PRKAR1B: variants seen among roughly 807,000 people sequenced by gnomAD.
The protein encoded by PRKAR1B is cAMP-dependent protein kinase type I-beta regulatory subunit.
PRKAR1B carries 22 observed loss-of-function variants against 46.5 expected under a neutral mutation model. The observed-to-expected ratio is 0.47, with a 90% CI of 0.34 to 0.68. The LOEUF is 0.68. PRKAR1B is among the 30% of genes least tolerant of loss of function. The pLI is 0.01. For missense variants in PRKAR1B, 445 were observed against 535.6 expected (o/e 0.83, Z 1.67); for synonymous variants, 259 against 217.7 (o/e 1.19, Z -1.67).
At chr7:655,807 G>C (rs1420882450) in intron 4 of PRKAR1B, among the ~76,000 whole-genome samples, 1 of 152,120 alleles carries the variant, frequency 6.6e-6, no homozygotes, top group Non-Finnish European at 1.5e-5. Flanking sequence ...TTCCCTGATT[G>C]ATGAGAGCAT....
intron 2 of PRKAR1B, among the ~76,000 whole-genome samples, chr7:694,509 C>T (rs76763129): frequency 0.033 from 5,078 of 152,156 alleles, 321 homozygotes; most frequent in African/African-American, 0.12. Flanking sequence ...GCCTCCTTCC[C>T]CTAATGCCCA....
chr7:596,023 T>C (rs897892989), intron 7 of PRKAR1B, 123 bp downstream of exon 7: 54 of 1,260,260 alleles, frequency 4.3e-5, no homozygotes, highest in South Asian at 4.0e-4. Context: ...AGGCCAGATC[T>C]GTCAGGGAGG....
chr7:592,366 G>A (rs779755549), intron 7 of PRKAR1B, among the ~76,000 whole-genome samples: 5 of 152,234 alleles, frequency 3.3e-5, no homozygotes, highest in Admixed American at 2.0e-4. Context: ...TGGAGAAGCC[G>A]CGTCCCTTCC....
At chr7:592,470 G>A (rs1011015226) in intron 7 of PRKAR1B, among the ~76,000 whole-genome samples, 2 of 151,320 alleles carry the variant, frequency 1.3e-5, no homozygotes, top group African/African-American at 2.4e-5. Context: ...GTCCCTTCCC[G>A]GCTCCACCGG....
intron 9 of PRKAR1B, among the ~76,000 whole-genome samples, chr7:556,901 C>T (rs1029980430): frequency 2.6e-5 from 4 of 152,216 alleles, no homozygotes; most frequent in South Asian, 2.1e-4. Context: ...GTGCCTCCCC[C>T]GGCTCCCAGG....
intron 9 of PRKAR1B, among the ~76,000 whole-genome samples, chr7:558,258 C>T (rs1583198417): frequency 7.4e-6 from 1 of 135,998 alleles, no homozygotes; most frequent in East Asian, 2.3e-4. Flanking sequence ...CCCAGGAGGT[C>T]GAGGCTGCAG....
At chr7:637,124 A>G (rs973643353) in intron 4 of PRKAR1B, among the ~76,000 whole-genome samples, 3 of 152,156 alleles carry the variant, frequency 2.0e-5, no homozygotes, top group African/African-American at 7.2e-5. Flanking sequence ...CATCTCTACA[A>G]AAACATACAA....
At chr7:575,914 C>T (rs1779791901) in intron 9 of PRKAR1B, among the ~76,000 whole-genome samples, 2 of 152,200 alleles carry the variant, frequency 1.3e-5, no homozygotes, top group African/African-American at 4.8e-5. Flanking sequence ...TGTCGGTTTG[C>T]AATCCTCTCC....
At chr7:649,417 T>C (rs1197555170) in intron 4 of PRKAR1B, among the ~76,000 whole-genome samples, 7 of 152,366 alleles carry the variant, frequency 4.6e-5, no homozygotes, top group Admixed American at 4.6e-4. Context: ...TCTTCAGGAT[T>C]TCTTTTTAGT....
In PRKAR1B at chr7:666,886, A is replaced by G. The variant is rs1785959112; in HGVS notation, c.440+10343T>C. 6.6e-6 allele frequency among the ~76,000 whole-genome samples: 1 copy of G among 152,110 alleles called. No individual in the cohort carries two copies. The highest frequency in any genetic ancestry group is 2.1e-4 in the South Asian group (1 of 4,824). ...CCATCCAGAAGAAGTACCTTCATGG[A>G]CTCCACTGCCACACAGCCAAAGGGC... On this transcript the variant is annotated intron_variant, in intron 4 of 10. Transcript: ENST00000537384. The surrounding 1 kb of genome is among the most constrained non-coding windows in gnomAD (Gnocchi z 4.9).
chr7:656,835 G>A (rs1241893822), intron 4 of PRKAR1B, among the ~76,000 whole-genome samples: 1 of 152,188 alleles, frequency 6.6e-6, no homozygotes, highest in East Asian at 1.9e-4. Flanking sequence ...GTGGATGCAT[G>A]AGTCAATGTG....
At chr7:600,821 G>C (rs1781547039) in intron 6 of PRKAR1B, among the ~76,000 whole-genome samples, 1 of 152,242 alleles carries the variant, frequency 6.6e-6, no homozygotes. Flanking sequence ...GGCCTGCAAA[G>C]TCAGCAGCTG....
chr7:580,232 A>G (rs1780093408), intron 8 of PRKAR1B, among the ~76,000 whole-genome samples: 1 of 64,092 alleles, frequency 1.6e-5, no homozygotes, highest in Non-Finnish European at 4.3e-5. Flanking sequence ...CCCTGTCTCA[A>G]AAAAAAAAAA....
At chr7:717,059 G>A (rs1289357833) in intron 1 of PRKAR1B, among the ~76,000 whole-genome samples, 1 of 152,210 alleles carries the variant, frequency 6.6e-6, no homozygotes, top group East Asian at 1.9e-4. Flanking sequence ...GGGAGGCCAA[G>A]GCAGGCAGAT....
At chr7:555,024 GCCA>G (rs910085314) in intron 9 of PRKAR1B, among the ~76,000 whole-genome samples, 32 of 152,138 alleles carry the variant, frequency 2.1e-4, no homozygotes, top group African/African-American at 7.5e-4. Flanking sequence ...GTCACCACAG[GCCA>G]CCCCTACACC....
chr7:656,680 G>T (rs1785213286), intron 4 of PRKAR1B, among the ~76,000 whole-genome samples: 1 of 152,116 alleles, frequency 6.6e-6, no homozygotes, highest in Non-Finnish European at 1.5e-5. Context: ...TGAATTAATG[G>T]ATTCATGAGT....
Position 560,359 on chromosome 7 carries a change from A to AAATAATAATAATAATAAT in PRKAR1B, c.892-8907_892-8890dup, listed in dbSNP as rs200894141. Among the ~76,000 whole-genome samples, 38 of 146,556 alleles carry AAATAATAATAATAATAAT rather than the reference A, an allele frequency of 2.6e-4. No homozygotes were observed. The highest frequency in any genetic ancestry group is 6.2e-4 in the African/African-American group (25 of 40,124). ...TAGCAGTGTTAGAATGAACTAATAC[A>AAATAATAATAATAATAAT]AATAATAATAATAATAATAATAATA... On this transcript the variant is annotated intron_variant, in intron 9 of 10. Coordinates refer to ENST00000537384, the MANE Select transcript of PRKAR1B (RefSeq NM_001164760.2). The surrounding 1 kb of genome is among the most constrained non-coding windows in gnomAD (Gnocchi z 4.2).
chr7:708,110 G>A lies in PRKAR1B; in HGVS notation c.177+3219C>T, dbSNP rs567067922. Among the ~76,000 whole-genome samples, 197 of 144,238 alleles carry A rather than the reference G, an allele frequency of 1.4e-3. 1 individual carries two copies. Among genetic ancestry groups the A allele is most frequent in the African/African-American group, 4.9e-3 (187 of 38,074 alleles). 94.6% of individuals were successfully genotyped at this position (144,238 alleles called of 152,430 possible). On this transcript the variant is annotated intron_variant, in intron 2 of 10. Transcript: ENST00000537384. ...CACCTCAATCTCGGACTTCCAGCCC[G>A]GACCACCCAAAATCGCCAGAACCAC...
intron 6 of PRKAR1B, among the ~76,000 whole-genome samples, chr7:599,331 C>G (rs1260564816): frequency 6.6e-6 from 1 of 151,428 alleles, no homozygotes; most frequent in South Asian, 2.1e-4. Context: ...GAGTTTCGCT[C>G]TTGTTCCTCA....
Sources: allele counts gnomAD v4.1 joint callset (sites outside exome capture counted in the v4.1 genomes callset), GRCh38; gene constraint gnomAD v4.1.1; non-coding constraint Gnocchi (gnomAD v3.1); transcripts MANE v1.5; gene names NCBI Gene and HGNC (gene_info 2026-07-23, HGNC 2026-07-21).